DPF3: variants seen among roughly 807,000 people sequenced by gnomAD.
DPF3 encodes the protein zinc finger protein DPF3.
A neutral mutation model predicts 56.8 loss-of-function variants in DPF3; 18 were observed. The ratio of observed to expected loss-of-function variants is 0.32; its 90% CI spans 0.22 to 0.47. The LOEUF (loss-of-function observed/expected upper bound fraction) is 0.47. Ranked by LOEUF, DPF3 falls within the 20% of genes least tolerant of loss-of-function variation. The pLI, the probability that DPF3 is intolerant of heterozygous loss-of-function variation, is 1.00. For missense variants in DPF3, 403 were observed against 488.8 expected (o/e 0.82, Z 1.65); for synonymous variants, 188 against 180.2 (o/e 1.04, Z -0.35).
intron 8 of DPF3, among the ~76,000 whole-genome samples, chr14:72,665,932 T>C (rs1209417141): frequency 1.3e-5 from 2 of 152,258 alleles, no homozygotes; most frequent in East Asian, 1.9e-4. Context: ...GCCATAGTTA[T>C]TGGTTGAGTT....
At chr14:72,872,128 T>A (rs1005863467) in intron 1 of DPF3, among the ~76,000 whole-genome samples, 1 of 152,176 alleles carries the variant, frequency 6.6e-6, no homozygotes, top group African/African-American at 2.4e-5. Flanking sequence ...CCGAGCTATA[T>A]GTTGGCCCCT....
intron 6 of DPF3, among the ~76,000 whole-genome samples, chr14:72,703,530 C>T (rs972771877): frequency 7.9e-5 from 12 of 152,170 alleles, no homozygotes; most frequent in African/African-American, 2.7e-4. Flanking sequence ...CCCCCCAAAA[C>T]CAAAGCACTC....
At chr14:72,876,629 T>G (rs1049095813) in intron 1 of DPF3, among the ~76,000 whole-genome samples, 1 of 152,114 alleles carries the variant, frequency 6.6e-6, no homozygotes. Context: ...AAAGGAAGGG[T>G]GTCCCCAAAG....
chr14:72,692,695 G>C (rs1300137281), intron 7 of DPF3, among the ~76,000 whole-genome samples: 1 of 152,246 alleles, frequency 6.6e-6, no homozygotes, highest in Admixed American at 6.5e-5. Context: ...TTTCGAATGT[G>C]TGTCTGAACT....
At chr14:72,760,694 CAA>C (rs534192756) in intron 2 of DPF3, among the ~76,000 whole-genome samples, 5 of 152,052 alleles carry the variant, frequency 3.3e-5, no homozygotes, top group Non-Finnish European at 7.4e-5. Context: ...AACAACAAAA[CAA>C]GAGTTATAGT....
intron 1 of DPF3, among the ~76,000 whole-genome samples, chr14:72,799,305 A>G (rs943361553): frequency 2.0e-5 from 3 of 152,084 alleles, no homozygotes; most frequent in African/African-American, 4.8e-5. Flanking sequence ...GTTGTGTAAA[A>G]TCAACCCCAC....
intron 1 of DPF3, chr14:72,836,193 A>G (rs984994993): frequency 3.2e-5 from 32 of 985,792 alleles, no homozygotes; most frequent in Non-Finnish European, 3.7e-5. Context: ...GGGAGGGGGC[A>G]CTGAGGACAG....
chr14:72,774,409 C>T (rs1178038390), intron 1 of DPF3, among the ~76,000 whole-genome samples: 1 of 151,782 alleles, frequency 6.6e-6, no homozygotes, highest in African/African-American at 2.4e-5. Flanking sequence ...GTACCATTTT[C>T]CATTTCTACC....
chr14:72,672,835 C>A (rs567787744), intron 8 of DPF3, among the ~76,000 whole-genome samples: 2 of 152,280 alleles, frequency 1.3e-5, no homozygotes, highest in South Asian at 4.2e-4. Context: ...ACCATCACTT[C>A]AAGTGACCTT....
intron 8 of DPF3, among the ~76,000 whole-genome samples, chr14:72,660,259 A>G (rs1445672953): frequency 1.3e-5 from 2 of 152,200 alleles, no homozygotes; most frequent in Non-Finnish European, 2.9e-5. Context: ...GGAGGGCACC[A>G]TACTGGTGTG....
chr14:72,838,654 G>T (rs1189297220), intron 1 of DPF3, among the ~76,000 whole-genome samples: 1 of 151,990 alleles, frequency 6.6e-6, no homozygotes, highest in Non-Finnish European at 1.5e-5. Flanking sequence ...CTACTCGGGA[G>T]GCTGAGGCAG....
At chr14:72,846,078 GTTTATTTTAT>G (rs58779335) in intron 1 of DPF3, among the ~76,000 whole-genome samples, 10,760 of 133,644 alleles carry the variant, frequency 0.081, 585 homozygotes, top group Admixed American at 0.17. Flanking sequence ...TTATTTTACT[GTTTATTTTAT>G]TTTATTTTAT....
chr14:72,835,311 C>T (rs1244587921), intron 1 of DPF3, among the ~76,000 whole-genome samples: 1 of 152,166 alleles, frequency 6.6e-6, no homozygotes, highest in Non-Finnish European at 1.5e-5. Flanking sequence ...CGTGATCCTC[C>T]CTCCTCGGCC....
In DPF3 at chr14:72,676,696, C is replaced by A. The variant is rs142321729; in HGVS notation, c.743-2328G>T. 3.3e-3 allele frequency among the ~76,000 whole-genome samples: 502 copies of A among 152,334 alleles called. 3 individuals are homozygous for A. Among genetic ancestry groups the A allele is most frequent in the African/African-American group, 0.012 (487 of 41,588 alleles). ...AAGGGGCAGTTCCCCTGCACATGCT[C>A]TCTTGCCTGCTGCCATGTAAGATGT... On this transcript the variant is annotated intron_variant, in intron 7 of 10. Transcript: ENST00000556509.
At chr14:72,884,152 C>G (rs189200603) in intron 1 of DPF3, among the ~76,000 whole-genome samples, 5 of 152,274 alleles carry the variant, frequency 3.3e-5, no homozygotes, top group African/African-American at 1.2e-4. Context: ...GCTTCTGCTT[C>G]CTCTGGTTTG....
chr14:72,714,368 G>C, intron 6 of DPF3, 55 bp downstream of exon 6: 1 of 1,597,342 alleles, frequency 6.3e-7, no homozygotes, highest in Non-Finnish European at 8.6e-7. Flanking sequence ...AGGGAAGAGG[G>C]GCCCTGGGGG....
At chr14:72,862,469 A>G (rs1228872120) in intron 1 of DPF3, among the ~76,000 whole-genome samples, 1 of 151,922 alleles carries the variant, frequency 6.6e-6, no homozygotes, top group Non-Finnish European at 1.5e-5. Flanking sequence ...GCTACCTCTC[A>G]CCACCTTTGC....
In DPF3 at chr14:72,714,512, A is replaced by G; in HGVS notation, c.526-11T>C. ...TGCAGAGCCGCGAGCCTGGGGAGAC[A>G]TTGGGGTACAGGATGCTTGTTACCA... On this transcript the variant is annotated splice_polypyrimidine_tract_variant and intron_variant, in intron 5 of 10. Transcript: ENST00000556509. The G allele has an allele frequency of 6.2e-7, 1 of 1,613,578 alleles. No individual in the cohort carries two copies. Among genetic ancestry groups the G allele is most frequent in the Non-Finnish European group, 8.5e-7 (1 of 1,179,676 alleles).
At chr14:72,761,199 TA>T (rs1891057261) in intron 2 of DPF3, among the ~76,000 whole-genome samples, 1 of 152,086 alleles carries the variant, frequency 6.6e-6, no homozygotes, top group Non-Finnish European at 1.5e-5. Flanking sequence ...GTAGAAGATT[TA>T]AAAAACATTA....
Sources: allele counts gnomAD v4.1 joint callset (sites outside exome capture counted in the v4.1 genomes callset), GRCh38; gene constraint gnomAD v4.1.1; transcripts MANE v1.5; gene names NCBI Gene and HGNC (gene_info 2026-07-23, HGNC 2026-07-21).